Variants in PLA2R1 observed in about 807,000 individuals in gnomAD.
The protein encoded by PLA2R1 is secretory phospholipase A2 receptor.
PLA2R1 carries 158 observed loss-of-function variants against 195.9 expected under a neutral mutation model. The ratio of observed to expected loss-of-function variants is 0.81; its 90% confidence interval spans 0.71 to 0.92. PLA2R1 has a LOEUF of 0.92. Ranked by LOEUF, PLA2R1 falls within the 40% of genes least tolerant of loss-of-function variation. The probability of loss-of-function intolerance (pLI) is 0.00; values close to 1 mark genes in which losing one functional copy is unlikely to be tolerated. For missense variants in PLA2R1, 1,626 were observed against 1,764.6 expected (o/e 0.92, Z 1.41); for synonymous variants, 586 against 598.2 (o/e 0.98, Z 0.30).
chr2:159,976,485 A>G lies in PLA2R1; in HGVS notation c.2437+200T>C, dbSNP rs3749114. On this transcript the variant is annotated intron_variant, in intron 16 of 29. Coordinates refer to ENST00000283243, the MANE Select transcript of PLA2R1 (RefSeq NM_007366.5). ...ATATTCTAAAATCGCATGTCATGAA[A>G]ATGATTGATGATACTAGTCCTTAAT... Among the ~76,000 whole-genome samples, 7 of 152,148 alleles carry G rather than the reference A, an allele frequency of 4.6e-5. No individual in the cohort carries two copies. In the East Asian group the frequency reaches 1.4e-3, roughly 29 times the overall value.
the PLA2R1 span, among the ~76,000 whole-genome samples, chr2:159,926,424 C>A: frequency 0.014 from 2,172 of 152,206 alleles, 41 homozygotes; most frequent in African/African-American, 0.05. Flanking sequence ...AGTGTCCACA[C>A]TTATTTTAGA....
At chr2:159,972,288 T>C (rs113058234) in intron 17 of PLA2R1, among the ~76,000 whole-genome samples, 25 of 152,254 alleles carry the variant, frequency 1.6e-4, no homozygotes, top group African/African-American at 5.8e-4. Context: ...TGAAAATGGA[T>C]GTTTGAAATT....
At chr2:160,046,063 G>A (rs1694844607) in intron 1 of PLA2R1, among the ~76,000 whole-genome samples, 1 of 152,232 alleles carries the variant, frequency 6.6e-6, no homozygotes, top group Non-Finnish European at 1.5e-5. Context: ...CAAGTTGCGG[G>A]CCTGGAAGGC....
In PLA2R1 at chr2:159,998,117, G is replaced by A. The variant is rs1246696148; in HGVS notation, c.1834+7535C>T. On this transcript the variant is annotated intron_variant, in intron 11 of 29. Coordinates refer to ENST00000283243, the MANE Select transcript of PLA2R1 (RefSeq NM_007366.5). ...TTAAAACTCTGTGGTTTCCCAGGGTGCTCACATTGGTGGCTGGTCCAGCAC... is the reference window on the plus strand; with the variant it reads ...TTAAAACTCTGTGGTTTCCCAGGGTACTCACATTGGTGGCTGGTCCAGCAC... 3.3e-5 allele frequency among the ~76,000 whole-genome samples: 5 copies of A among 152,084 alleles called. No individual in the cohort carries two copies. The East Asian group carries it at 7.7e-4, about 23-fold the overall frequency.
chr2:159,925,012 G>T, the PLA2R1 span, among the ~76,000 whole-genome samples: 1 of 152,120 alleles, frequency 6.6e-6, no homozygotes, highest in Non-Finnish European at 1.5e-5. Context: ...GATAACTTCT[G>T]TTTCCTCAAC....
chr2:159,956,318 GCAATGCAGTACACTAAC>G (rs1349544523), intron 21 of PLA2R1, among the ~76,000 whole-genome samples, 175 bp downstream of exon 21: 7 of 152,132 alleles, frequency 4.6e-5, no homozygotes, highest in African/African-American at 1.7e-4. Flanking sequence ...CAGTTTATAA[GCAATGCAGTACACTAAC>G]TTTTACAGAT....
At chr2:160,060,259 C>G (rs748868824) in intron 1 of PLA2R1, among the ~76,000 whole-genome samples, 7 of 152,184 alleles carry the variant, frequency 4.6e-5, no homozygotes, top group Admixed American at 1.3e-4. Flanking sequence ...GTACAGTGAA[C>G]ACAGCGGTAA....
At position 160,062,453 on chromosome 2, in the gene PLA2R1, C is replaced by CCCGGGAGCCCAGAG. The variant is rs1696035006; in HGVS notation, c.-64_-51dup. ...GCCCCTTGTCCCGGGAGCCCCTTAT[C>CCCGGGAGCCCAGAG]CCGGGAGCCCAGAGCCGCGTCCCAA... is the stretch of plus-strand genomic sequence containing the variant. On this transcript the variant is annotated 5_prime_UTR_variant, in exon 1 of 30. Coordinates refer to ENST00000283243, the MANE Select transcript of PLA2R1 (RefSeq NM_007366.5). The CCCGGGAGCCCAGAG allele has an allele frequency of 6.7e-7, 1 of 1,495,002 alleles. No individual in the cohort carries two copies. The highest frequency in any genetic ancestry group is 2.3e-5 in the Admixed American group (1 of 42,696). 92.6% of individuals were successfully genotyped at this position (1,495,002 alleles called of 1,614,324 possible). A position where few individuals can be genotyped will look rare whatever the true frequency, so the allele number is the denominator to read the frequency against.
At chr2:159,954,528 AT>A (rs1687962373) in intron 23 of PLA2R1, among the ~76,000 whole-genome samples, 13 of 151,776 alleles carry the variant, frequency 8.6e-5, no homozygotes, top group African/African-American at 1.7e-4. Flanking sequence ...ATATATATAT[AT>A]ATAAATATAT....
At chr2:160,043,163 C>T (rs1423686144) in intron 2 of PLA2R1, among the ~76,000 whole-genome samples, 1 of 152,150 alleles carries the variant, frequency 6.6e-6, no homozygotes, top group Non-Finnish European at 1.5e-5. Flanking sequence ...GGGCTTTGGC[C>T]TCTACCCTGA....
chr2:160,005,068 G>A (rs17829933), intron 11 of PLA2R1, among the ~76,000 whole-genome samples: 34,296 of 152,116 alleles, frequency 0.23, 5,006 homozygotes, highest in Non-Finnish European at 0.33. Flanking sequence ...GGAGGGAGAA[G>A]CTGGACTTGC....
At chr2:160,032,842 T>C in intron 4 of PLA2R1, 117 bp downstream of exon 4, 2 of 879,666 alleles carry the variant, frequency 2.3e-6, no homozygotes, top group Non-Finnish European at 3.5e-6. Flanking sequence ...GGCCATATTA[T>C]GGAAAGAAAA....
At chr2:160,045,391 C>T (rs1234736243) in intron 1 of PLA2R1, among the ~76,000 whole-genome samples, 1 of 152,114 alleles carries the variant, frequency 6.6e-6, no homozygotes, top group Non-Finnish European at 1.5e-5. Flanking sequence ...TGATCTAAGA[C>T]CTAATTGGCC....
At chr2:160,001,817 A>C (rs554003427) in intron 11 of PLA2R1, among the ~76,000 whole-genome samples, 1 of 152,044 alleles carries the variant, frequency 6.6e-6, no homozygotes, top group East Asian at 1.9e-4. Flanking sequence ...TATGTAATAC[A>C]AAAATTCGAC....
In PLA2R1 at chr2:159,987,175, C is replaced by A; in HGVS notation, c.2018G>T (p.Gly673Val). The A allele has an allele frequency of 3.1e-6, 5 of 1,613,620 alleles. No homozygotes were observed. Among genetic ancestry groups the A allele is most frequent in the Non-Finnish European group, 4.2e-6 (5 of 1,179,574 alleles). The change falls in exon 12 of 30, where the codon GGT (glycine) becomes GTT (valine). Residue 673 changes from glycine to valine, a missense_variant. Transcript: ENST00000283243. ...PCYLDWESEP[G>V]LASCFKVFHS... ...TATCACCTTGAAGCAACTGGCCAGACCAGGCTCTGACTCCCAGTCCAAATA... is the reference window on the plus strand; with the variant it reads ...TATCACCTTGAAGCAACTGGCCAGAACAGGCTCTGACTCCCAGTCCAAATA...
At chr2:159,999,801 G>A (rs1327385731) in intron 11 of PLA2R1, among the ~76,000 whole-genome samples, 3 of 152,164 alleles carry the variant, frequency 2.0e-5, no homozygotes, top group African/African-American at 7.2e-5. Context: ...AGATTGAGCA[G>A]TAGACTGAAT....
Position 159,932,962 on chromosome 2 carries a change from A to C in PLA2R1, c.*8816T>G, listed in dbSNP as rs1184055180. On this transcript the variant is annotated 3_prime_UTR_variant, in exon 30 of 30. Coordinates refer to ENST00000283243, the MANE Select transcript of PLA2R1 (RefSeq NM_007366.5). ...AAAATCAATTTCCATTAATAGAAGC[A>C]CAGGAAACAAGTTGAAAATAGCATA... The C allele has an allele frequency of 1.3e-5, 2 of 151,774 alleles. No homozygotes were observed. The highest frequency in any genetic ancestry group is 3.9e-4 in the East Asian group (2 of 5,174). 9.4% of individuals were successfully genotyped at this position (151,774 alleles called of 1,614,324 possible). A position where few individuals can be genotyped will look rare whatever the true frequency, so the allele number is the denominator to read the frequency against.
At chr2:159,952,401 T>A (rs1444639371) in intron 23 of PLA2R1, among the ~76,000 whole-genome samples, 2 of 152,240 alleles carry the variant, frequency 1.3e-5, no homozygotes, top group African/African-American at 4.8e-5. Context: ...AGGATATGTA[T>A]AGAACATATG....
intron 20 of PLA2R1, among the ~76,000 whole-genome samples, chr2:159,965,796 C>T (rs1041884526): frequency 1.3e-5 from 2 of 152,176 alleles, no homozygotes; most frequent in Admixed American, 6.5e-5. Flanking sequence ...GGCCTCCTTG[C>T]CAGCATGTAG....
Sources: allele counts gnomAD v4.1 joint callset (sites outside exome capture counted in the v4.1 genomes callset), GRCh38; gene constraint gnomAD v4.1.1; transcripts MANE v1.5; gene names NCBI Gene and HGNC (gene_info 2026-07-23, HGNC 2026-07-21).